TMTC1: variants seen among roughly 807,000 people sequenced by gnomAD.
The protein encoded by TMTC1 is protein O-mannosyl-transferase TMTC1.
In TMTC1, 73 loss-of-function variants were observed where a neutral mutation model predicts 104.8. The observed-to-expected ratio is 0.70, with a 90% confidence interval of 0.58 to 0.85. The LOEUF (loss-of-function observed/expected upper bound fraction) is 0.85. Ranked by LOEUF, TMTC1 falls within the 40% of genes least tolerant of loss-of-function variation. The probability of loss-of-function intolerance (pLI) is 0.00; values close to 1 mark genes in which losing one functional copy is unlikely to be tolerated. For synonymous variants in TMTC1, 434 were observed against 428.7 expected (o/e 1.01, Z -0.15); for missense variants, 1,035 against 1,096.1 (o/e 0.94, Z 0.79).
intron 6 of TMTC1, among the ~76,000 whole-genome samples, chr12:29,622,760 A>G (rs1937743067): frequency 6.6e-6 from 1 of 152,206 alleles, no homozygotes; most frequent in Non-Finnish European, 1.5e-5. Flanking sequence ...ATAAATTCAA[A>G]TGCCTTTCTA....
chr12:29,509,360 C>T (rs1943771611), intron 17 of TMTC1, among the ~76,000 whole-genome samples: 2 of 152,196 alleles, frequency 1.3e-5, no homozygotes, highest in African/African-American at 4.8e-5. Flanking sequence ...GAGCAAGAGA[C>T]AACTATGACA....
intron 7 of TMTC1, among the ~76,000 whole-genome samples, chr12:29,591,829 G>A (rs1258496381): frequency 6.6e-6 from 1 of 152,234 alleles, no homozygotes; most frequent in South Asian, 2.1e-4. Flanking sequence ...CTGTTGTTTG[G>A]GAACTTGTTA....
chr12:29,640,302 G>GCT (rs1938774678), intron 5 of TMTC1, among the ~76,000 whole-genome samples: 1 of 151,910 alleles, frequency 6.6e-6, no homozygotes, highest in Admixed American at 6.6e-5. Context: ...CGGCAGACAG[G>GCT]AGGCAGGAAC....
intron 8 of TMTC1, among the ~76,000 whole-genome samples, chr12:29,579,785 G>A (rs557530214): frequency 1.3e-5 from 2 of 152,298 alleles, no homozygotes; most frequent in African/African-American, 2.4e-5. Context: ...GCTTCTTACT[G>A]TAAGAATTAA....
chr12:29,690,862 C>G (rs1941245476), intron 5 of TMTC1, among the ~76,000 whole-genome samples: 1 of 152,162 alleles, frequency 6.6e-6, no homozygotes, highest in Non-Finnish European at 1.5e-5. Flanking sequence ...GATGAAACTG[C>G]CTTTGCAAAA....
intron 6 of TMTC1, among the ~76,000 whole-genome samples, chr12:29,623,535 C>T (rs543966425): frequency 9.2e-5 from 14 of 152,320 alleles, no homozygotes; most frequent in African/African-American, 3.1e-4. Context: ...GTAAAAGAGG[C>T]CAGGAGCTGT....
intron 5 of TMTC1, among the ~76,000 whole-genome samples, chr12:29,660,291 A>AT (rs1939955852): frequency 6.6e-6 from 1 of 152,212 alleles, no homozygotes; most frequent in Non-Finnish European, 1.5e-5. Context: ...CGGGGATGAG[A>AT]TATCACGTAG....
At chr12:29,517,019 C>A (rs2136147722) in intron 14 of TMTC1, among the ~76,000 whole-genome samples, 1 of 152,226 alleles carries the variant, frequency 6.6e-6, no homozygotes, top group East Asian at 1.9e-4. Context: ...CTAATTCCCA[C>A]ATGGTTCAGG....
intron 11 of TMTC1, among the ~76,000 whole-genome samples, chr12:29,522,755 G>A (rs299429): frequency 0.7 from 105,979 of 152,096 alleles, 37,271 homozygotes; most frequent in Non-Finnish European, 0.73. Flanking sequence ...ATTTGACTGC[G>A]TGGATTCAAA....
At chr12:29,770,698 A>G (rs1943575571) in intron 1 of TMTC1, among the ~76,000 whole-genome samples, 1 of 152,196 alleles carries the variant, frequency 6.6e-6, no homozygotes. Context: ...CTAAGCTTTA[A>G]GAAATCACCC....
chr12:29,700,357 C>T (rs906257893), intron 5 of TMTC1, among the ~76,000 whole-genome samples: 7 of 151,904 alleles, frequency 4.6e-5, no homozygotes, highest in South Asian at 2.1e-4. Flanking sequence ...CTCAGCCTCC[C>T]GAGTAGCTGG....
chr12:29,769,107 C>A (rs1295747380), intron 1 of TMTC1, among the ~76,000 whole-genome samples: 1 of 152,108 alleles, frequency 6.6e-6, no homozygotes, highest in Non-Finnish European at 1.5e-5. Flanking sequence ...TTTGCCAAAA[C>A]AACTAAGAAT....
intron 2 of TMTC1, among the ~76,000 whole-genome samples, chr12:29,761,582 G>GCT (rs11384292): frequency 6.7e-6 from 1 of 149,400 alleles, no homozygotes; most frequent in Non-Finnish European, 1.5e-5. Flanking sequence ...TGCATTTCTC[G>GCT]TTTTTTTTTT....
intron 11 of TMTC1, among the ~76,000 whole-genome samples, chr12:29,523,588 T>A (rs1437158892): frequency 6.6e-6 from 1 of 152,192 alleles, no homozygotes; most frequent in African/African-American, 2.4e-5. Context: ...CCCTCAAAAT[T>A]GAGAGGTGAA....
At chr12:29,600,009 T>TATA (rs1555174500) in intron 7 of TMTC1, among the ~76,000 whole-genome samples, 4,099 of 71,698 alleles carry the variant, frequency 0.057, 141 homozygotes, top group African/African-American at 0.08. Flanking sequence ...TATATATATA[T>TATA]TTTTTTTTTT....
chr12:29,647,886 A>G (rs985987763), intron 5 of TMTC1, among the ~76,000 whole-genome samples: 27 of 152,322 alleles, frequency 1.8e-4, no homozygotes, highest in Middle Eastern at 6.8e-3. Flanking sequence ...TACTTCTTCC[A>G]TCAAGTGTAG....
At chr12:29,557,407 C>T (rs753089908) in intron 9 of TMTC1, among the ~76,000 whole-genome samples, 8 of 152,246 alleles carry the variant, frequency 5.3e-5, no homozygotes, top group Middle Eastern at 3.4e-3. Context: ...AGATGCTGAG[C>T]GATCCTTTGA....
At chr12:29,594,064 G>T (rs1038700893) in intron 7 of TMTC1, among the ~76,000 whole-genome samples, 5 of 152,170 alleles carry the variant, frequency 3.3e-5, no homozygotes, top group African/African-American at 1.2e-4. Context: ...TCCCCTTGAT[G>T]GTGCCTTTAC....
chr12:29,524,158 T>C (rs1398747432), intron 11 of TMTC1, among the ~76,000 whole-genome samples: 1 of 152,172 alleles, frequency 6.6e-6, no homozygotes, highest in Non-Finnish European at 1.5e-5. Context: ...TATGTAACCA[T>C]TGAAAACTTT....
Sources: gnomAD v4.1 joint callset for allele counts (sites outside exome capture counted in the v4.1 genomes callset) on GRCh38, gnomAD v4.1.1 for gene constraint, MANE v1.5 for transcripts, NCBI Gene and HGNC (gene_info 2026-07-23, HGNC 2026-07-21) for gene names.